PBX4: variants seen among roughly 807,000 people sequenced by gnomAD.
The protein encoded by PBX4 is PBX homeobox 4.
A neutral mutation model predicts 35.1 loss-of-function variants in PBX4; 26 were observed. The observed-to-expected ratio is 0.74, with a 90% CI of 0.54 to 1.03. PBX4 has a LOEUF of 1.03. Ranked by LOEUF, PBX4 falls within the 50% of genes least tolerant of loss-of-function variation. The pLI, the probability that PBX4 is intolerant of heterozygous loss-of-function variation, is 0.00. For synonymous variants in PBX4, 199 were observed against 204.2 expected, an observed-to-expected ratio of 0.97 and a Z score of 0.22; for missense variants, 448 against 504.3, an observed-to-expected ratio of 0.89 and a Z score of 1.07.
At chr19:19,566,245 C>T (rs1013502522) in intron 5 of PBX4, among the ~76,000 whole-genome samples, 1 of 152,202 alleles carries the variant, frequency 6.6e-6, no homozygotes, top group African/African-American at 2.4e-5. Context: ...GATGCTTGGG[C>T]TCCATCTGCT....
At chr19:19,581,081 C>T (rs1269668334) in intron 2 of PBX4, among the ~76,000 whole-genome samples, 1 of 152,224 alleles carries the variant, frequency 6.6e-6, no homozygotes, top group African/African-American at 2.4e-5. Flanking sequence ...GATCTGTCCT[C>T]TGGGCCAGCC....
At chr19:19,607,062 G>A (rs1291074752) in intron 1 of PBX4, among the ~76,000 whole-genome samples, 1 of 151,846 alleles carries the variant, frequency 6.6e-6, no homozygotes, top group Non-Finnish European at 1.5e-5. Flanking sequence ...GAATTTTTTT[G>A]TTTGTTTTTG....
chr19:19,573,993 G>C (rs922604194), intron 2 of PBX4, among the ~76,000 whole-genome samples: 1 of 152,130 alleles, frequency 6.6e-6, no homozygotes, highest in Non-Finnish European at 1.5e-5. Flanking sequence ...GCCTCCCAAT[G>C]TGCTGGGATT....
At chr19:19,590,465 T>TCTTTC (rs2144753469) in intron 2 of PBX4, among the ~76,000 whole-genome samples, 1 of 151,402 alleles carries the variant, frequency 6.6e-6, no homozygotes, top group Admixed American at 6.6e-5. Flanking sequence ...TGTTTTGTTT[T>TCTTTC]CTTTCTTTTT....
intron 1 of PBX4, among the ~76,000 whole-genome samples, chr19:19,618,209 T>C (rs925856206): frequency 1.3e-5 from 2 of 152,008 alleles, no homozygotes. Context: ...AACGTACCCA[T>C]TTAGTCATTC....
intron 2 of PBX4, among the ~76,000 whole-genome samples, chr19:19,595,587 A>C (rs1274978599): frequency 6.6e-6 from 1 of 152,190 alleles, no homozygotes; most frequent in East Asian, 1.9e-4. Flanking sequence ...AAGACAGGTC[A>C]TCAGATATTT....
intron 1 of PBX4, among the ~76,000 whole-genome samples, chr19:19,601,467 A>T (rs1361541950): frequency 6.6e-6 from 1 of 152,192 alleles, no homozygotes; most frequent in Non-Finnish European, 1.5e-5. Flanking sequence ...GGTTGGCAGG[A>T]TAATGGCTCC....
intron 2 of PBX4, among the ~76,000 whole-genome samples, chr19:19,578,908 T>G (rs1284159510): frequency 6.6e-6 from 1 of 152,128 alleles, no homozygotes; most frequent in Non-Finnish European, 1.5e-5. Context: ...GGGAGCTCGC[T>G]TTCCCTAAGA....
chr19:19,570,412 G>A (rs1443890359), intron 3 of PBX4, 113 bp from the exon 4 acceptor site: 17 of 1,433,848 alleles, frequency 1.2e-5, no homozygotes, highest in East Asian at 2.3e-5. Flanking sequence ...ACACACCGGC[G>A]GGTGACTGTT....
chr19:19,587,449 G>A (rs1224161330), intron 2 of PBX4, among the ~76,000 whole-genome samples: 3 of 151,494 alleles, frequency 2.0e-5, no homozygotes, highest in Non-Finnish European at 4.4e-5. Flanking sequence ...TTAGCCGGGC[G>A]TGGTGGCGGA....
At position 19,618,659 on chromosome 19, in the gene PBX4, G is replaced by C. The variant is rs2061701368; in HGVS notation, c.-30C>G. 8.3e-7 allele frequency: 1 copy of C among 1,198,248 alleles called. No homozygotes were observed. 74.2% of individuals were successfully genotyped at this position (1,198,248 alleles called of 1,614,324 possible). A position where few individuals can be genotyped will look rare whatever the true frequency, so the allele number is the denominator to read the frequency against. ...GGCAGGGCCGGGCGGGCGCTGTGAG[G>C]GTGCCGTCGAGCCTGGAGCACTACC... On this transcript the variant is annotated 5_prime_UTR_variant, in exon 1 of 8. Coordinates refer to ENST00000251203, the MANE Select transcript of PBX4 (RefSeq NM_025245.3).
At position 19,570,126 on chromosome 19, in the gene PBX4, C is replaced by G. The variant is rs774733792; in HGVS notation, c.615G>C (p.Ser205=). Residue 205 remains serine, a synonymous_variant, in exon 4 of 8, where the codon TCG becomes TCC. Transcript: ENST00000251203. ...STCEAVMTLR[S]RLLDARRKRR... ...GCCCTGACCTGGCATCGAGCAGCCGCGAACGCAGGGTCATCACTGCCTCAC... is the reference window on the plus strand; with the variant it reads ...GCCCTGACCTGGCATCGAGCAGCCGGGAACGCAGGGTCATCACTGCCTCAC... The G allele has an allele frequency of 6.2e-7, 1 of 1,606,866 alleles. No homozygotes were observed.
chr19:19,591,779 C>A (rs2061529913), intron 2 of PBX4, among the ~76,000 whole-genome samples: 1 of 152,256 alleles, frequency 6.6e-6, no homozygotes, highest in Admixed American at 6.5e-5. Flanking sequence ...GCTGTCCCTG[C>A]TCTGGTGCCA....
chr19:19,613,200 T>C (rs1006327165), intron 1 of PBX4, among the ~76,000 whole-genome samples: 4 of 150,946 alleles, frequency 2.6e-5, no homozygotes, highest in Non-Finnish European at 5.9e-5. Flanking sequence ...GCGTGGTGGT[T>C]TATGCCTGTA....
chr19:19,570,894 G>A, intron 2 of PBX4, 61 bp from the exon 3 acceptor site: 1 of 1,587,918 alleles, frequency 6.3e-7, no homozygotes. Flanking sequence ...CAAACCATGA[G>A]AAAATGTGAG....
intron 3 of PBX4, 104 bp from the exon 4 acceptor site, chr19:19,570,403 C>T: frequency 6.9e-7 from 1 of 1,452,742 alleles, no homozygotes; most frequent in Non-Finnish European, 9.3e-7. Flanking sequence ...CTGTAGTTCA[C>T]ACACCGGCGG....
chr19:19,603,970 G>T (rs1326714464), intron 1 of PBX4, among the ~76,000 whole-genome samples: 1 of 124,426 alleles, frequency 8.0e-6, no homozygotes, highest in Admixed American at 8.0e-5. Context: ...AAAAAAAAAA[G>T]AATAGGGTAG....
intron 5 of PBX4, 142 bp from the exon 6 acceptor site, chr19:19,565,231 C>A: frequency 9.5e-7 from 1 of 1,057,840 alleles, no homozygotes. Flanking sequence ...GAGTCTGGGA[C>A]TGAGAAGGTG....
At chr19:19,588,035 G>A in intron 2 of PBX4, 1 of 612,698 alleles carries the variant, frequency 1.6e-6, no homozygotes, top group South Asian at 1.8e-5. Flanking sequence ...CATCTTTTCT[G>A]AAAGCTGCAG....
Sources: allele counts gnomAD v4.1 joint callset (sites outside exome capture counted in the v4.1 genomes callset), GRCh38; gene constraint gnomAD v4.1.1; transcripts MANE v1.5; gene names NCBI Gene and HGNC (gene_info 2026-07-23, HGNC 2026-07-21).